The following ANGPT1 variants were observed in gnomAD, a reference collection of about 807,000 sequenced individuals.
The protein encoded by ANGPT1 is angiopoietin 1, also known as angiopoietin-1.
A neutral mutation model predicts 62.2 loss-of-function variants in ANGPT1; 17 were observed. The observed-to-expected ratio is 0.27, with a 90% CI of 0.19 to 0.41. The LOEUF is 0.41. ANGPT1 is among the 10% of genes least tolerant of loss of function. The pLI is 1.00. For missense variants in ANGPT1, 478 were observed against 594.9 expected (o/e 0.80, Z 2.04); for synonymous variants, 199 against 198.9 (o/e 1.00, Z 0.00).
chr8:107,262,666 A>ACAGAATAAGACAGAAAGTATAT (rs1813521153), intron 8 of ANGPT1, among the ~76,000 whole-genome samples: 2 of 152,362 alleles, frequency 1.3e-5, no homozygotes, highest in African/African-American at 4.8e-5. Context: ...ATGTTTTGTA[A>ACAGAATAAGACAGAAAGTATAT]CAGAATAAGA....
chr8:107,300,274 ATT>A (rs1026300901), intron 5 of ANGPT1, among the ~76,000 whole-genome samples: 1 of 151,252 alleles, frequency 6.6e-6, no homozygotes, highest in Admixed American at 6.6e-5. Context: ...TTTTGAGGAA[ATT>A]CACACAATAT....
rs1256520495 is a variant in ANGPT1 at position 107,411,867 on chromosome 8, G to A, written c.298-64770C>T. Among the ~76,000 whole-genome samples the A allele has an allele frequency of 2.0e-5, 3 of 152,078 alleles. No homozygotes were observed. The East Asian group carries it at 5.8e-4, about 29-fold the overall frequency. ...TTTCTTCTATAATCTGCAGTGTTGA[G>A]CTTTATCCTAAAGCTAGTTTTTCTG... On this transcript the variant is annotated intron_variant, in intron 1 of 8. Transcript: ENST00000517746.
chr8:107,313,010 C>A (rs1421748301), intron 4 of ANGPT1, among the ~76,000 whole-genome samples: 1 of 152,114 alleles, frequency 6.6e-6, no homozygotes, highest in East Asian at 1.9e-4. Context: ...GAGGCCTAAA[C>A]AACTGGCAAA....
intron 5 of ANGPT1, among the ~76,000 whole-genome samples, chr8:107,296,059 T>C (rs1188966911): frequency 1.3e-5 from 2 of 152,112 alleles, no homozygotes; most frequent in Non-Finnish European, 2.9e-5. Flanking sequence ...GGATTCAGAA[T>C]TGAATCCTAT....
chr8:107,487,017 G>A (rs1398294459), intron 1 of ANGPT1, among the ~76,000 whole-genome samples: 1 of 152,120 alleles, frequency 6.6e-6, no homozygotes, highest in African/African-American at 2.4e-5. Flanking sequence ...ACTCCTGCCT[G>A]TATCCTAAAA....
intron 1 of ANGPT1, among the ~76,000 whole-genome samples, chr8:107,446,268 A>G (rs1380660657): frequency 6.6e-6 from 1 of 152,216 alleles, no homozygotes; most frequent in Non-Finnish European, 1.5e-5. Flanking sequence ...CATTTCAGAA[A>G]TATAAAAGTA....
At chr8:107,437,792 A>G (rs1447149610) in intron 1 of ANGPT1, among the ~76,000 whole-genome samples, 1 of 152,266 alleles carries the variant, frequency 6.6e-6, no homozygotes, top group East Asian at 1.9e-4. Context: ...GGACAGACAG[A>G]TATCTTTTCA....
intron 7 of ANGPT1, among the ~76,000 whole-genome samples, chr8:107,272,889 TA>T (rs34340048): frequency 0.72 from 103,831 of 144,412 alleles, 37,221 homozygotes; most frequent in Middle Eastern, 0.85. Context: ...TAAGAATACA[TA>T]AAAAAAAAAA....
At chr8:107,372,012 T>C (rs1156301695) in intron 1 of ANGPT1, among the ~76,000 whole-genome samples, 1 of 152,164 alleles carries the variant, frequency 6.6e-6, no homozygotes, top group African/African-American at 2.4e-5. Flanking sequence ...ACCTATGTCA[T>C]ATGGACCAAA....
intron 1 of ANGPT1, among the ~76,000 whole-genome samples, chr8:107,397,441 T>TTGTGTG (rs3036540): frequency 6.0e-5 from 9 of 150,320 alleles, no homozygotes; most frequent in Non-Finnish European, 1.2e-4. Flanking sequence ...AAAATGTTGC[T>TTGTGTG]TGTGTGTGTG....
At chr8:107,386,643 C>T (rs1341809547) in intron 1 of ANGPT1, among the ~76,000 whole-genome samples, 4 of 152,008 alleles carry the variant, frequency 2.6e-5, no homozygotes, top group Non-Finnish European at 5.9e-5. Context: ...TTGAATCTTA[C>T]TCAAACACTT....
intron 1 of ANGPT1, among the ~76,000 whole-genome samples, chr8:107,433,799 G>A (rs1245749926): frequency 2.6e-5 from 4 of 152,194 alleles, no homozygotes; most frequent in African/African-American, 9.7e-5. Context: ...GAGGGTAGAT[G>A]AGCATGAACT....
chr8:107,376,016 T>C (rs1816524271), intron 1 of ANGPT1, among the ~76,000 whole-genome samples: 1 of 152,212 alleles, frequency 6.6e-6, no homozygotes, highest in African/African-American at 2.4e-5. Flanking sequence ...TTTATTCAGG[T>C]ACTATTTCTG....
chr8:107,266,145 A>G (rs1813609177), intron 7 of ANGPT1, among the ~76,000 whole-genome samples: 1 of 152,236 alleles, frequency 6.6e-6, no homozygotes, highest in Non-Finnish European at 1.5e-5. Flanking sequence ...AGAATTTTTT[A>G]AAGTGCCAAT....
chr8:107,310,970 A>T (rs1364409547), intron 4 of ANGPT1, among the ~76,000 whole-genome samples: 2 of 103,340 alleles, frequency 1.9e-5, no homozygotes, highest in Non-Finnish European at 3.9e-5. Context: ...TGTGTGTATG[A>T]GTGTGTATGT....
chr8:107,316,338 C>T (rs1815013228), intron 4 of ANGPT1, among the ~76,000 whole-genome samples: 1 of 152,156 alleles, frequency 6.6e-6, no homozygotes. Context: ...ACTCTGGGTT[C>T]AAATCTCAGC....
intron 1 of ANGPT1, among the ~76,000 whole-genome samples, chr8:107,496,922 C>G (rs1164979025): frequency 6.6e-6 from 1 of 152,122 alleles, no homozygotes; most frequent in Non-Finnish European, 1.5e-5. Flanking sequence ...TTATTTTTCA[C>G]CAACTTGCTT....
At chr8:107,328,564 T>C (rs978655430) in intron 3 of ANGPT1, among the ~76,000 whole-genome samples, 29 of 151,958 alleles carry the variant, frequency 1.9e-4, no homozygotes, top group Non-Finnish European at 4.0e-4. Flanking sequence ...TTTTGTAACA[T>C]ATATTACAAA....
intron 1 of ANGPT1, among the ~76,000 whole-genome samples, chr8:107,481,819 C>A (rs1481832083): frequency 6.6e-6 from 1 of 152,090 alleles, no homozygotes; most frequent in Non-Finnish European, 1.5e-5. Context: ...CACTCACTAT[C>A]GTGAGAACTC....
Sources: allele counts gnomAD v4.1 joint callset (sites outside exome capture counted in the v4.1 genomes callset), GRCh38; gene constraint gnomAD v4.1.1; transcripts MANE v1.5; gene names NCBI Gene and HGNC (gene_info 2026-07-23, HGNC 2026-07-21).